AHCTF1: variants seen among roughly 807,000 people sequenced by gnomAD.
AHCTF1 encodes protein ELYS.
AHCTF1 carries 24 observed loss-of-function variants against 248.4 expected under a neutral mutation model. That is an observed-to-expected ratio of 0.10 (90% CI 0.07 to 0.14). AHCTF1 has a LOEUF of 0.14. Among genes scored for constraint, AHCTF1 ranks in the 10% least tolerant of loss-of-function variants. AHCTF1 has a pLI of 1.00. For synonymous variants in AHCTF1, 786 were observed against 929.8 expected (o/e 0.85, Z 2.81); for missense variants, 2,206 against 2,636.2 (o/e 0.84, Z 3.57).
chr1:246,847,827 A>T (rs1167265077), intron 33 of AHCTF1, among the ~76,000 whole-genome samples: 1 of 152,210 alleles, frequency 6.6e-6, no homozygotes, highest in Non-Finnish European at 1.5e-5. Flanking sequence ...CTAACAAAAT[A>T]ACTCTCACTT....
chr1:246,880,857 A>G (rs542937639), intron 21 of AHCTF1, among the ~76,000 whole-genome samples: 1 of 152,324 alleles, frequency 6.6e-6, no homozygotes, highest in South Asian at 2.1e-4. Context: ...AGAAGACAAT[A>G]ATGATGCTAG....
At chr1:246,875,943 G>T (rs1299042630) in intron 24 of AHCTF1, 94 bp downstream of exon 24, 2 of 1,242,496 alleles carry the variant, frequency 1.6e-6, no homozygotes, top group East Asian at 5.0e-5. Context: ...ATGTGTTAGC[G>T]AAAGTAGCTA....
At chr1:246,920,940 A>C (rs979348221) in intron 1 of AHCTF1, among the ~76,000 whole-genome samples, 1 of 151,542 alleles carries the variant, frequency 6.6e-6, no homozygotes, top group Non-Finnish European at 1.5e-5. Flanking sequence ...ACCAAAAAAA[A>C]AATCAGCTGG....
chr1:246,844,982 G>A (rs1660144937), intron 33 of AHCTF1, among the ~76,000 whole-genome samples: 1 of 152,080 alleles, frequency 6.6e-6, no homozygotes, highest in Non-Finnish European at 1.5e-5. Context: ...TATAAAATAG[G>A]GTTAATAGTA....
chr1:246,862,349 G>A (rs1019531689), intron 27 of AHCTF1, among the ~76,000 whole-genome samples, 196 bp from the exon 28 acceptor site: 7 of 151,994 alleles, frequency 4.6e-5, no homozygotes, highest in South Asian at 2.1e-4. Context: ...GCGGGGTGGC[G>A]GGCGCCTGTA....
chr1:246,926,910 C>T (rs1179202547), intron 1 of AHCTF1, among the ~76,000 whole-genome samples: 1 of 152,090 alleles, frequency 6.6e-6, no homozygotes, highest in Non-Finnish European at 1.5e-5. Context: ...CGCGGTGGCA[C>T]ACGCCTGTAA....
intron 14 of AHCTF1, among the ~76,000 whole-genome samples, chr1:246,893,535 C>T (rs1383328027): frequency 6.6e-6 from 1 of 152,146 alleles, no homozygotes; most frequent in Non-Finnish European, 1.5e-5. Context: ...CTTATTTTTG[C>T]ACTAACTGGA....
intron 20 of AHCTF1, among the ~76,000 whole-genome samples, chr1:246,886,750 T>C (rs1663846109): frequency 6.6e-6 from 1 of 152,238 alleles, no homozygotes; most frequent in South Asian, 2.1e-4. Flanking sequence ...AATTTTGGTA[T>C]GTTTCTGGAT....
rs373975739 is a variant in AHCTF1 at position 246,867,637 on chromosome 1, T to G, written c.3239+24A>C. ...AGTAAAGATTAACAAGCAGCATGAC[T>G]ATGAAACGTGTAAGAAAACATACCT... On this transcript the variant is annotated intron_variant, in intron 25 of 35. Coordinates refer to ENST00000648844, the MANE Select transcript of AHCTF1 (RefSeq NM_001323342.2). The G allele has an allele frequency of 6.8e-6, 11 of 1,608,806 alleles. No individual in the cohort carries two copies. In the African/African-American group the frequency reaches 1.5e-4, roughly 22 times the overall value.
At position 246,913,539 on chromosome 1, in the gene AHCTF1, T is replaced by A. The variant is rs1226924096; in HGVS notation, c.376-127A>T. On this transcript the variant is annotated intron_variant, in intron 3 of 35. Coordinates refer to ENST00000648844, the MANE Select transcript of AHCTF1 (RefSeq NM_001323342.2). ...TAAGACTATAGAGTAAATTTGCATT[T>A]GATACTTGTGATCTGAATAATGAAA... The A allele has an allele frequency of 3.7e-6, 3 of 805,060 alleles. No individual in the cohort carries two copies. In the African/African-American group the frequency reaches 5.3e-5, roughly 14 times the overall value. 49.9% of individuals were successfully genotyped at this position (805,060 alleles called of 1,614,324 possible).
chr1:246,846,290 C>T (rs1660253308), intron 33 of AHCTF1, among the ~76,000 whole-genome samples: 1 of 151,624 alleles, frequency 6.6e-6, no homozygotes, highest in Admixed American at 6.6e-5. Context: ...GCACCTGCAT[C>T]CCTATGTAAA....
At position 246,904,780 on chromosome 1, in the gene AHCTF1, CT is replaced by C. The variant is rs1205817359; in HGVS notation, c.882-748del. Reference sequence around the variant, plus strand: ...TCTGAATTTTACTACTAGTTGATCCCTTTTAATAATTCCTATTACTAGTTCT... The same window carrying C: ...TCTGAATTTTACTACTAGTTGATCCCTTTAATAATTCCTATTACTAGTTCT... On this transcript the variant is annotated intron_variant, in intron 6 of 35. Coordinates refer to ENST00000648844, the MANE Select transcript of AHCTF1 (RefSeq NM_001323342.2). Among the ~76,000 whole-genome samples, 2 of 152,180 alleles carry C rather than the reference CT, an allele frequency of 1.3e-5. 1 individual carries two copies. The highest frequency in any genetic ancestry group is 4.1e-4 in the South Asian group (2 of 4,826).
At position 246,890,042 on chromosome 1, in the gene AHCTF1, A is replaced by C; in HGVS notation, c.2068T>G (p.Ser690Ala). 1 of 1,611,688 alleles carries C rather than the reference A, an allele frequency of 6.2e-7. No homozygotes were observed. The highest frequency in any genetic ancestry group is 1.7e-5 in the Admixed American group (1 of 59,860). ...ACAGGGTAGTTGTAGCATAACCTTG[A>C]CAACTGCACAGAATCATCTAGATTT... is the stretch of plus-strand genomic sequence containing the variant. ...PEGIDDSVQL[S>A]RLCYNYPVIQ... Residue 690 changes from serine (S) to alanine (A), a missense_variant, in exon 17 of 36, where the codon TCA (serine) becomes GCA (alanine). Coordinates refer to ENST00000648844, the MANE Select transcript of AHCTF1 (RefSeq NM_001323342.2).
intron 13 of AHCTF1, among the ~76,000 whole-genome samples, chr1:246,895,108 A>G (rs1457051368): frequency 6.6e-6 from 1 of 152,218 alleles, no homozygotes; most frequent in African/African-American, 2.4e-5. Context: ...ACAATTACAT[A>G]CAAACTATTC....
At chr1:246,874,804 A>T (rs981296959) in intron 24 of AHCTF1, among the ~76,000 whole-genome samples, 1 of 152,180 alleles carries the variant, frequency 6.6e-6, no homozygotes, top group Non-Finnish European at 1.5e-5. Context: ...ATATCCCTGA[A>T]CAACATTAAA....
At position 246,904,027 on chromosome 1, in the gene AHCTF1, C is replaced by T. The variant is rs372049828; in HGVS notation, c.888G>A (p.Gly296=). The change falls in exon 7 of 36, where the codon GGG becomes GGA. Residue 296 remains glycine (G), a synonymous_variant. Coordinates refer to ENST00000648844, the MANE Select transcript of AHCTF1 (RefSeq NM_001323342.2). The stretch of plus-strand genomic sequence containing the variant: ...GCAGCAGATGCAAACTCAAAACATC[C>T]CCTTCACTGAAACAGAAATTAACGA... ...WAVQSTQDSE[G]DVLSLHLLQL... 8.7e-6 allele frequency: 14 copies of T among 1,613,584 alleles called. No individual in the cohort carries two copies. The highest frequency in any genetic ancestry group is 1.0e-5 in the Non-Finnish European group (12 of 1,179,752).
At chr1:246,911,384 A>G (rs1665785177) in intron 4 of AHCTF1, among the ~76,000 whole-genome samples, 1 of 151,586 alleles carries the variant, frequency 6.6e-6, no homozygotes, top group African/African-American at 2.4e-5. Flanking sequence ...TTGCTCATCA[A>G]TTCTTTTCAT....
At chr1:246,923,967 G>A (rs1015315060) in intron 1 of AHCTF1, among the ~76,000 whole-genome samples, 3 of 152,198 alleles carry the variant, frequency 2.0e-5, no homozygotes, top group Admixed American at 1.3e-4. Context: ...CTGCTGTTTT[G>A]GGAGAAAGGT....
At position 246,888,251 on chromosome 1, in the gene AHCTF1, A is replaced by G; in HGVS notation, c.2269-18T>C. 1 of 1,613,766 alleles carries G rather than the reference A, an allele frequency of 6.2e-7. No homozygotes were observed. Among genetic ancestry groups the G allele is most frequent in the Non-Finnish European group, 8.5e-7 (1 of 1,179,864 alleles). On this transcript the variant is annotated intron_variant, in intron 18 of 35. Transcript: ENST00000648844. ...AGTACTGCCTATAAAACAAAGGGAT[A>G]AAACCTTCAGTGGATCTTATACAGT...
Sources: gnomAD v4.1 joint callset for allele counts (sites outside exome capture counted in the v4.1 genomes callset) on GRCh38, gnomAD v4.1.1 for gene constraint, MANE v1.5 for transcripts, NCBI Gene and HGNC (gene_info 2026-07-23, HGNC 2026-07-21) for gene names.